DLG2: variants seen among roughly 807,000 people sequenced by gnomAD.
The protein encoded by DLG2 is discs large MAGUK scaffold protein 2, also known as disks large homolog 2.
A neutral mutation model predicts 132.5 loss-of-function variants in DLG2; 45 were observed. That is an observed-to-expected ratio of 0.34 (90% CI 0.27 to 0.44). The LOEUF is 0.44. Ranked by LOEUF, DLG2 falls within the 20% of genes least tolerant of loss-of-function variation. The pLI, the probability that DLG2 is intolerant of heterozygous loss-of-function variation, is 1.00. For synonymous variants in DLG2, 424 were observed against 419.6 expected (o/e 1.01, Z -0.13); for missense variants, 1,045 against 1,196.9 (o/e 0.87, Z 1.87).
At chr11:83,879,719 A>G (rs1186213953) in intron 15 of DLG2, among the ~76,000 whole-genome samples, 1 of 152,140 alleles carries the variant, frequency 6.6e-6, no homozygotes, top group Non-Finnish European at 1.5e-5. Context: ...TTGTAGTTAT[A>G]CCCAATAAAT....
intron 18 of DLG2, among the ~76,000 whole-genome samples, chr11:83,665,423 A>T (rs2075312835): frequency 6.6e-6 from 1 of 152,228 alleles, no homozygotes; most frequent in South Asian, 2.1e-4. Flanking sequence ...ACCAGCAAAC[A>T]GTCAACTACA....
chr11:83,485,626 T>G (rs1020220067), intron 21 of DLG2, among the ~76,000 whole-genome samples: 7 of 152,150 alleles, frequency 4.6e-5, no homozygotes, highest in African/African-American at 1.7e-4. Context: ...TAAGAATAAA[T>G]GTAGAGCAGC....
intron 19 of DLG2, among the ~76,000 whole-genome samples, chr11:83,548,055 G>A (rs780129985): frequency 3.3e-5 from 5 of 152,158 alleles, no homozygotes; most frequent in African/African-American, 9.7e-5. Flanking sequence ...CAGCTCAAAT[G>A]GAAATGAGAA....
At chr11:85,380,787 T>G (rs2085820836) in intron 3 of DLG2, among the ~76,000 whole-genome samples, 1 of 152,196 alleles carries the variant, frequency 6.6e-6, no homozygotes, top group Non-Finnish European at 1.5e-5. Flanking sequence ...TAGAGGCTAT[T>G]GAGGATAATC....
intron 6 of DLG2, among the ~76,000 whole-genome samples, chr11:85,068,634 G>A (rs1228481512): frequency 6.6e-6 from 1 of 151,942 alleles, no homozygotes; most frequent in Non-Finnish European, 1.5e-5. Flanking sequence ...ACAAACCACT[G>A]CTCAAGGAAA....
intron 2 of DLG2, among the ~76,000 whole-genome samples, chr11:85,605,045 A>C (rs951240166): frequency 2.0e-5 from 3 of 152,236 alleles, no homozygotes; most frequent in African/African-American, 7.2e-5. Flanking sequence ...AGGTGAATTT[A>C]ACAGGCAAAT....
intron 6 of DLG2, among the ~76,000 whole-genome samples, chr11:84,782,194 G>C (rs2071928929): frequency 6.6e-6 from 1 of 152,048 alleles, no homozygotes; most frequent in Admixed American, 6.6e-5. Flanking sequence ...CACACTCCAA[G>C]ATACTATCCG....
chr11:84,943,518 G>T (rs1222850992), intron 6 of DLG2, among the ~76,000 whole-genome samples: 1 of 151,636 alleles, frequency 6.6e-6, no homozygotes, highest in Admixed American at 6.6e-5. Context: ...TGGATTTGAG[G>T]TTACTAATGA....
chr11:85,409,688 G>T (rs964401029), intron 3 of DLG2, among the ~76,000 whole-genome samples: 8 of 151,698 alleles, frequency 5.3e-5, no homozygotes, highest in Non-Finnish European at 1.0e-4. Flanking sequence ...TTATATATCT[G>T]GGGGGGTGGA....
At chr11:84,391,618 A>G (rs932560189) in intron 7 of DLG2, among the ~76,000 whole-genome samples, 20 of 152,186 alleles carry the variant, frequency 1.3e-4, no homozygotes, top group Non-Finnish European at 2.2e-4. Flanking sequence ...GTGGCATGCT[A>G]GTAGAGATGT....
At chr11:85,039,321 T>C (rs1179925178) in intron 6 of DLG2, among the ~76,000 whole-genome samples, 3 of 151,922 alleles carry the variant, frequency 2.0e-5, no homozygotes, top group Non-Finnish European at 4.4e-5. Flanking sequence ...TCACCCACGA[T>C]ATCTTATATC....
At chr11:85,126,110 T>A (rs1032888450) in intron 5 of DLG2, among the ~76,000 whole-genome samples, 2 of 152,176 alleles carry the variant, frequency 1.3e-5, no homozygotes, top group African/African-American at 4.8e-5. Flanking sequence ...CAAAACATGG[T>A]TGACACCTTC....
chr11:84,400,603 A>G (rs2098826041), intron 7 of DLG2, among the ~76,000 whole-genome samples: 1 of 152,194 alleles, frequency 6.6e-6, no homozygotes, highest in African/African-American at 2.4e-5. Context: ...CAAACGCTTA[A>G]ATATCACAAT....
At chr11:85,507,758 T>G (rs1337444014) in intron 3 of DLG2, among the ~76,000 whole-genome samples, 3 of 152,174 alleles carry the variant, frequency 2.0e-5, no homozygotes, top group African/African-American at 7.2e-5. Context: ...TGGACTTCCT[T>G]GCTAGGTCTG....
At chr11:84,260,779 G>A (rs549783622) in intron 7 of DLG2, among the ~76,000 whole-genome samples, 40 of 152,246 alleles carry the variant, frequency 2.6e-4, no homozygotes, top group Middle Eastern at 3.4e-3. Flanking sequence ...TTCAAACCCA[G>A]GTGTTCTGAC....
intron 6 of DLG2, among the ~76,000 whole-genome samples, chr11:84,627,525 T>G (rs1300975885): frequency 1.3e-5 from 2 of 152,180 alleles, no homozygotes; most frequent in Non-Finnish European, 2.9e-5. Context: ...CAGCGGAAAT[T>G]TCAGCAAAGG....
chr11:83,702,920 A>G (rs2083214018), intron 18 of DLG2, among the ~76,000 whole-genome samples: 1 of 152,242 alleles, frequency 6.6e-6, no homozygotes, highest in Non-Finnish European at 1.5e-5. Flanking sequence ...GAAAGCAAAT[A>G]TACTCTGATG....
chr11:84,755,581 G>T (rs1211040962), intron 6 of DLG2, among the ~76,000 whole-genome samples: 1 of 152,126 alleles, frequency 6.6e-6, no homozygotes, highest in East Asian at 1.9e-4. Flanking sequence ...CCGCCACCAC[G>T]CCCGGCTAAT....
intron 6 of DLG2, among the ~76,000 whole-genome samples, chr11:84,924,691 T>G (rs2092911623): frequency 6.6e-6 from 1 of 152,186 alleles, no homozygotes; most frequent in Admixed American, 6.5e-5. Context: ...TGTTTGTGCC[T>G]TTTTTTAGGA....
Sources: gnomAD v4.1 joint callset for allele counts (sites outside exome capture counted in the v4.1 genomes callset) on GRCh38, gnomAD v4.1.1 for gene constraint, MANE v1.5 for transcripts, NCBI Gene and HGNC (gene_info 2026-07-23, HGNC 2026-07-21) for gene names.